CMSS1: variants seen among roughly 807,000 people sequenced by gnomAD.
The protein encoded by CMSS1 is cms1 ribosomal small subunit homolog.
In CMSS1, 33 loss-of-function variants were observed where a neutral mutation model predicts 43.5. The observed-to-expected ratio is 0.76, with a 90% CI of 0.57 to 1.01. The LOEUF (loss-of-function observed/expected upper bound fraction) is 1.01. CMSS1 is among the 50% of genes least tolerant of loss of function. CMSS1 has a pLI of 0.00. For synonymous variants in CMSS1, 115 were observed against 117.2 expected, an observed-to-expected ratio of 0.98 and a Z score of 0.12; for missense variants, 313 against 326.4, an observed-to-expected ratio of 0.96 and a Z score of 0.32.
chr3:99,980,554 A>G (rs1709092108), intron 1 of CMSS1, among the ~76,000 whole-genome samples: 1 of 152,210 alleles, frequency 6.6e-6, no homozygotes, highest in African/African-American at 2.4e-5. Flanking sequence ...GTTTTATCCA[A>G]ATGAGTTTAT....
intron 1 of CMSS1, among the ~76,000 whole-genome samples, chr3:99,821,013 T>C (rs1296735493): frequency 6.6e-6 from 1 of 152,254 alleles, no homozygotes; most frequent in Non-Finnish European, 1.5e-5. Context: ...TTTCAGTCAC[T>C]TACAAATACT....
At chr3:99,818,096 G>A (rs1942358590) in intron 1 of CMSS1, 53 bp downstream of exon 1, 2 of 1,549,998 alleles carry the variant, frequency 1.3e-6, no homozygotes, top group Non-Finnish European at 1.8e-6. Flanking sequence ...GCCCTTCCGT[G>A]CGCCTCAGCC....
chr3:100,143,533 G>A (rs1010321336), intron 1 of CMSS1, among the ~76,000 whole-genome samples: 1 of 152,056 alleles, frequency 6.6e-6, no homozygotes, highest in Admixed American at 6.5e-5. Flanking sequence ...GTTGTTGATT[G>A]GATTCTTCTA....
At chr3:99,903,370 G>A (rs997267827) in intron 1 of CMSS1, among the ~76,000 whole-genome samples, 3 of 151,932 alleles carry the variant, frequency 2.0e-5, no homozygotes, top group African/African-American at 7.3e-5. Flanking sequence ...TCCTGCCTCA[G>A]CCTCCTGAGT....
At chr3:100,171,266 C>T (rs933904730) in intron 6 of CMSS1, among the ~76,000 whole-genome samples, 24 of 151,694 alleles carry the variant, frequency 1.6e-4, no homozygotes, top group Non-Finnish European at 7.4e-5. Context: ...GCTTCATTTC[C>T]ACCTATAAAA....
At chr3:99,900,338 G>T (rs1027236123) in intron 1 of CMSS1, among the ~76,000 whole-genome samples, 1 of 152,086 alleles carries the variant, frequency 6.6e-6, no homozygotes, top group African/African-American at 2.4e-5. Flanking sequence ...GGTGCTTCTT[G>T]TATGTTAAAC....
chr3:99,848,990 G>A lies in CMSS1; in HGVS notation c.64+30947G>A. 2.5e-6 allele frequency: 4 copies of A among 1,614,106 alleles called. No homozygotes were observed. In the East Asian group the frequency reaches 8.9e-5, roughly 36 times the overall value. On this transcript the variant is annotated intron_variant, in intron 1 of 9. Coordinates refer to ENST00000421999, the MANE Select transcript of CMSS1 (RefSeq NM_032359.4). ...ATATGAAGTGGCTGCCCAGGTGTGTGGCTTAGGACTAGATCTCCAGGTTGC... is the reference window on the plus strand; with the variant it reads ...ATATGAAGTGGCTGCCCAGGTGTGTAGCTTAGGACTAGATCTCCAGGTTGC...
chr3:99,905,593 G>C (rs1337182939), intron 1 of CMSS1, among the ~76,000 whole-genome samples: 1 of 152,180 alleles, frequency 6.6e-6, no homozygotes, highest in African/African-American at 2.4e-5. Context: ...TAAGCATACA[G>C]ATTGATACAC....
intron 1 of CMSS1, among the ~76,000 whole-genome samples, chr3:99,927,424 C>T (rs1346111126): frequency 1.3e-5 from 2 of 150,138 alleles, no homozygotes; most frequent in Non-Finnish European, 2.9e-5. Flanking sequence ...GGCTGGAGTG[C>T]AATGGCGTGA....
intron 1 of CMSS1, among the ~76,000 whole-genome samples, chr3:99,948,327 CAAAAAAAT>C (rs922577767): frequency 1.3e-5 from 2 of 150,196 alleles, no homozygotes; most frequent in African/African-American, 4.9e-5. Flanking sequence ...ACTGTCTCTC[CAAAAAAAT>C]AAAAAAATTA....
intron 1 of CMSS1, among the ~76,000 whole-genome samples, chr3:100,094,418 A>G (rs917189315): frequency 1.3e-5 from 2 of 152,104 alleles, no homozygotes; most frequent in Admixed American, 6.5e-5. Context: ...TCATGTGGCA[A>G]AAGTCTTTTG....
chr3:100,076,482 C>G (rs892189015), intron 1 of CMSS1, among the ~76,000 whole-genome samples: 1 of 152,188 alleles, frequency 6.6e-6, no homozygotes, highest in African/African-American at 2.4e-5. Flanking sequence ...TTATGCTTTG[C>G]TATTTCTGTT....
intron 1 of CMSS1, chr3:99,851,143 T>C: frequency 8.3e-7 from 1 of 1,199,064 alleles, no homozygotes; most frequent in Non-Finnish European, 1.1e-6. Flanking sequence ...TAAATATATA[T>C]GTAATTTAGA....
chr3:100,048,696 AG>A (rs1050706970), intron 1 of CMSS1, among the ~76,000 whole-genome samples: 24 of 152,314 alleles, frequency 1.6e-4, no homozygotes, highest in African/African-American at 5.5e-4. Flanking sequence ...CACTAAAGGA[AG>A]CAATCAAGTC....
At chr3:99,852,752 T>C (rs530575997) in intron 1 of CMSS1, among the ~76,000 whole-genome samples, 21 of 152,262 alleles carry the variant, frequency 1.4e-4, no homozygotes, top group Non-Finnish European at 1.5e-4. Context: ...TGAGAGAACA[T>C]TTTAAAAGGA....
chr3:100,003,954 A>G (rs770965345), intron 1 of CMSS1, among the ~76,000 whole-genome samples: 1 of 152,320 alleles, frequency 6.6e-6, no homozygotes, highest in Non-Finnish European at 1.5e-5. Context: ...CAATGAGTCT[A>G]TGCCTGGGAA....
At chr3:100,078,759 C>T (rs551261436) in intron 1 of CMSS1, among the ~76,000 whole-genome samples, 22 of 152,138 alleles carry the variant, frequency 1.4e-4, no homozygotes, top group African/African-American at 4.1e-4. Context: ...AGCATCATGG[C>T]GGGTGCCTGT....
intron 1 of CMSS1, among the ~76,000 whole-genome samples, chr3:100,036,207 C>A (rs932455911): frequency 1.1e-4 from 16 of 152,138 alleles, no homozygotes; most frequent in African/African-American, 3.9e-4. Flanking sequence ...TCAATGACAC[C>A]TTGTAGCAAT....
chr3:99,975,127 AG>A (rs1322793467), intron 1 of CMSS1, among the ~76,000 whole-genome samples: 1 of 152,248 alleles, frequency 6.6e-6, no homozygotes, highest in Non-Finnish European at 1.5e-5. Flanking sequence ...TTCACCTAGC[AG>A]GCATTCAACT....
Sources: allele counts gnomAD v4.1 joint callset (sites outside exome capture counted in the v4.1 genomes callset), GRCh38; gene constraint gnomAD v4.1.1; transcripts MANE v1.5; gene names NCBI Gene and HGNC (gene_info 2026-07-23, HGNC 2026-07-21).